The following OXTR variants were observed in gnomAD, a reference collection of about 807,000 sequenced individuals.
OXTR encodes oxytocin receptor.
Under a neutral mutation model 23.9 loss-of-function variants are expected in OXTR, and 19 were observed. The observed-to-expected ratio is 0.80, with a 90% CI of 0.56 to 1.17. The LOEUF (loss-of-function observed/expected upper bound fraction) is 1.17, where lower values mean the gene tolerates loss of function less well. OXTR is among the 50% of genes most tolerant of loss of function. OXTR has a pLI of 0.00. For missense variants in OXTR, 500 were observed against 550.7 expected, an observed-to-expected ratio of 0.91 and a Z score of 0.92; for synonymous variants, 278 against 250.5, an observed-to-expected ratio of 1.11 and a Z score of -1.04.
chr3:8,748,912 T>C (rs1708210788), downstream of OXTR, among the ~76,000 whole-genome samples: 1 of 152,128 alleles, frequency 6.6e-6, no homozygotes, highest in Non-Finnish European at 1.5e-5. Flanking sequence ...CTTAAAGAAA[T>C]AAGCCTCAGA....
At chr3:8,749,600 T>A (rs1708220438), downstream of OXTR, among the ~76,000 whole-genome samples, 2 of 152,216 alleles carry the variant, frequency 1.3e-5, no homozygotes, top group Non-Finnish European at 2.9e-5. Context: ...GCCCCAGAAC[T>A]GCATCCTGTT....
Position 8,753,086 on chromosome 3 carries a change from C to T in OXTR, c.1061G>A (p.Gly354Asp). 6.2e-7 allele frequency: 1 copy of T among 1,614,166 alleles called. No homozygotes were observed. Among genetic ancestry groups the T allele is most frequent in the Non-Finnish European group, 8.5e-7 (1 of 1,180,028 alleles). Residue 354 changes from glycine to aspartate, a missense_variant, in exon 4 of 4, where the codon GGC becomes GAC. Transcript: ENST00000316793. The stretch of plus-strand genomic sequence containing the variant: ...GGCACTCGTCTCTCCCAGGCGTCTG[C>T]CCTTCAGGTAGCTGGCGGAGCAGCA... Reference protein sequence around the residue: ...FLCCSASYLKGRRLGETSASK... With the variant: ...FLCCSASYLKDRRLGETSASK...
At chr3:8,753,655 A>G (rs1308271534) in intron 3 of OXTR, among the ~76,000 whole-genome samples, 1 of 152,176 alleles carries the variant, frequency 6.6e-6, no homozygotes, top group East Asian at 1.9e-4. Flanking sequence ...ACCAGCGCCT[A>G]GTTACTTGAA....
At chr3:8,761,647 A>G (rs529071402) in intron 3 of OXTR, among the ~76,000 whole-genome samples, 1 of 152,312 alleles carries the variant, frequency 6.6e-6, no homozygotes, top group African/African-American at 2.4e-5. Context: ...TAGAAAAGCC[A>G]TGATGGGCCC....
At position 8,767,527 on chromosome 3, in the gene OXTR, C is replaced by T. The variant is rs143908202; in HGVS notation, c.661G>A (p.Gly221Ser). The change falls in exon 3 of 4, where the codon GGC becomes AGC. Residue 221 changes from glycine (G) to serine (S), a missense_variant. Gly to Ser is a moderately conservative substitution (Grantham distance 56, BLOSUM62 0). Coordinates refer to ENST00000316793, the MANE Select transcript of OXTR (RefSeq NM_000916.4). ...TGCCAGATCTTGAAGCTGATAAGGC[C>T]GTAGCAGGCAGCGAGCACGATGACC... Reference protein sequence around the residue: ...VPVIVLAACYGLISFKIWQNL... With the variant: ...VPVIVLAACYSLISFKIWQNL... 4.1e-4 allele frequency: 660 copies of T among 1,612,998 alleles called. 3 individuals are homozygous for T. The African/African-American group carries it at 8.0e-3, about 20-fold the overall frequency.
chr3:8,768,195 G>A lies in OXTR; in HGVS notation c.-8C>T. On this transcript the variant is annotated 5_prime_UTR_variant, in exon 3 of 4. Transcript: ENST00000316793. This position sits in a 1 kb window ranked among gnomAD's most constrained non-coding sequence, Gnocchi z 5.4. ...TGCGAGCGCGCCCTCCATGACCCTG[G>A]CGGCAGCGGTGCGCCCCGGCCTTCG... is the stretch of plus-strand genomic sequence containing the variant. The A allele has an allele frequency of 7.8e-7, 1 of 1,287,610 alleles. No individual in the cohort carries two copies. The highest frequency in any genetic ancestry group is 1.6e-5 in the African/African-American group (1 of 64,448). The allele number at this position is 1,287,610 out of a possible 1,614,324, so 79.8% of individuals were successfully genotyped here.
At chr3:8,759,225 C>T (rs116571980) in intron 3 of OXTR, among the ~76,000 whole-genome samples, 6,767 of 152,322 alleles carry the variant, frequency 0.044, 223 homozygotes, top group Non-Finnish European at 0.07. Flanking sequence ...TAAGCTCCTA[C>T]TCACCCCTCA....
intron 3 of OXTR, among the ~76,000 whole-genome samples, chr3:8,761,971 C>G (rs237890): frequency 0.46 from 70,518 of 152,124 alleles, 17,111 homozygotes; most frequent in South Asian, 0.62. Flanking sequence ...GGCAGGTGGG[C>G]TCAGGTGTAC....
In OXTR at chr3:8,768,017, G is replaced by C; in HGVS notation, c.171C>G (p.Asn57Lys). ...CLILLLALSG[N>K]ACVLLALRTT... The stretch of plus-strand genomic sequence containing the variant: ...TGCGCAGCGCCAGCAGCACACACGC[G>C]TTCCCGCTCAGCGCCAGGAGCAGGA... Residue 57 changes from asparagine to lysine, a missense_variant, in exon 3 of 4, where the codon AAC becomes AAG. Coordinates refer to ENST00000316793, the MANE Select transcript of OXTR (RefSeq NM_000916.4). This position sits in a 1 kb window ranked among gnomAD's most constrained non-coding sequence, Gnocchi z 5.4. 1.2e-6 allele frequency: 2 copies of C among 1,605,996 alleles called. No individual in the cohort carries two copies. The highest frequency in any genetic ancestry group is 1.7e-6 in the Non-Finnish European group (2 of 1,176,744).
At position 8,767,340 on chromosome 3, in the gene OXTR, G is replaced by A. The variant is rs1256819423; in HGVS notation, c.848C>T (p.Ala283Val). The change falls in exon 3 of 4, where the codon GCC becomes GTC. Residue 283 changes from alanine (A) to valine (V), a missense_variant. Ala to Val is a moderately conservative substitution (Grantham distance 64). Transcript: ENST00000316793. ...GAAAGGCGTCCAGCACACGATGAAG[G>A]CCAGCACGATGATGAAAGTCATCTT... ...TVKMTFIIVL[A>V]FIVCWTPFFF... The A allele has an allele frequency of 1.2e-6, 2 of 1,611,036 alleles. No individual in the cohort carries two copies. Among genetic ancestry groups the A allele is most frequent in the Non-Finnish European group, 1.7e-6 (2 of 1,179,032 alleles).
the OXTR span, chr3:8,742,372 A>AAAAAAG: frequency 1.1e-4 from 37 of 345,850 alleles, no homozygotes; most frequent in Middle Eastern, 7.8e-4. Flanking sequence ...AAAAAAAAAA[A>AAAAAAG]AAGAAGAAGA....
At chr3:8,757,663 T>A (rs1708399198) in intron 3 of OXTR, among the ~76,000 whole-genome samples, 1 of 152,136 alleles carries the variant, frequency 6.6e-6, no homozygotes, top group Non-Finnish European at 1.5e-5. Flanking sequence ...AAAAATCACA[T>A]CTTGCCCCAC....
At chr3:8,766,327 C>A (rs1708605951) in intron 3 of OXTR, among the ~76,000 whole-genome samples, 1 of 152,170 alleles carries the variant, frequency 6.6e-6, no homozygotes, top group Admixed American at 6.5e-5. Flanking sequence ...CCCCAGAGCC[C>A]TAGGGTGCCT....
intron 3 of OXTR, among the ~76,000 whole-genome samples, chr3:8,754,184 G>C (rs1372316691): frequency 6.6e-6 from 1 of 152,226 alleles, no homozygotes; most frequent in African/African-American, 2.4e-5. Context: ...AGGACTCATG[G>C]AGGTGCAGGC....
At position 8,768,212 on chromosome 3, in the gene OXTR, C is replaced by G. The variant is rs1252810516; in HGVS notation, c.-25G>C. 5 of 1,280,046 alleles carry G rather than the reference C, an allele frequency of 3.9e-6. No individual in the cohort carries two copies. The highest frequency in any genetic ancestry group is 5.6e-5 in the South Asian group (2 of 35,674). The allele number at this position is 1,280,046 out of a possible 1,614,324, so 79.3% of individuals were successfully genotyped here. ...TGACCCTGGCGGCAGCGGTGCGCCC[C>G]GGCCTTCGAGCCCTTTACGGCTTGG... On this transcript the variant is annotated 5_prime_UTR_variant, in exon 3 of 4. Coordinates refer to ENST00000316793, the MANE Select transcript of OXTR (RefSeq NM_000916.4). This position sits in a 1 kb window ranked among gnomAD's most constrained non-coding sequence, Gnocchi z 5.4.
chr3:8,754,424 T>G (rs1708335267), intron 3 of OXTR, among the ~76,000 whole-genome samples: 1 of 152,222 alleles, frequency 6.6e-6, no homozygotes, highest in African/African-American at 2.4e-5. Context: ...TTCAGCCACC[T>G]CCTTGTGTGT....
chr3:8,752,779 G>A lies in OXTR; in HGVS notation c.*198C>T, dbSNP rs918628556. 1 of 600,362 alleles carries A rather than the reference G, an allele frequency of 1.7e-6. No homozygotes were observed. Among genetic ancestry groups the A allele is most frequent in the Non-Finnish European group, 2.9e-6 (1 of 342,976 alleles). The allele number at this position is 600,362 out of a possible 1,614,324, so 37.2% of individuals were successfully genotyped here. A position where few individuals can be genotyped will look rare whatever the true frequency, so the allele number is the denominator to read the frequency against. ...GGTAGAAGTACGTGTAGGAGGCCAG[G>A]GTGTTGTCTGATGGCTGAGTCCCCT... On this transcript the variant is annotated 3_prime_UTR_variant, in exon 4 of 4. Coordinates refer to ENST00000316793, the MANE Select transcript of OXTR (RefSeq NM_000916.4).
intron 3 of OXTR, among the ~76,000 whole-genome samples, chr3:8,761,934 C>T (rs1471902474): frequency 6.6e-6 from 1 of 152,222 alleles, no homozygotes; most frequent in Non-Finnish European, 1.5e-5. Context: ...CTACTTCCCA[C>T]TACTGTCTCC....
chr3:8,742,057 C>T, the OXTR span, among the ~76,000 whole-genome samples: 1 of 152,204 alleles, frequency 6.6e-6, no homozygotes, highest in South Asian at 2.1e-4. Flanking sequence ...AAGCCATCTC[C>T]TCTCTTCTGG....
Sources: gnomAD v4.1 joint callset for allele counts (sites outside exome capture counted in the v4.1 genomes callset) on GRCh38, gnomAD v4.1.1 for gene constraint, Gnocchi (gnomAD v3.1) non-coding constraint, MANE v1.5 for transcripts, NCBI Gene and HGNC (gene_info 2026-07-23, HGNC 2026-07-21) for gene names.